The following GLRA1 variants were observed in gnomAD, a reference collection of about 807,000 sequenced individuals.
GLRA1 encodes glycine receptor subunit alpha-1.
A neutral mutation model predicts 48.3 loss-of-function variants in GLRA1; 37 were observed. That is an observed-to-expected ratio of 0.77 (90% CI 0.59 to 1.01). The LOEUF (loss-of-function observed/expected upper bound fraction) is 1.01. Among genes scored for constraint, GLRA1 ranks in the 50% least tolerant of loss-of-function variants. GLRA1 has a pLI of 0.00. For missense variants in GLRA1, 427 were observed against 571.0 expected (o/e 0.75, Z 2.57); for synonymous variants, 196 against 210.7 (o/e 0.93, Z 0.60).
At chr5:151,849,452 T>TTTCCTTCCTTCCTTCC (rs1377147013) in intron 7 of GLRA1, among the ~76,000 whole-genome samples, 16 of 15,662 alleles carry the variant, frequency 1.0e-3, no homozygotes, top group African/African-American at 2.7e-3. Flanking sequence ...TTTCCTTTCC[T>TTTCCTTCCTTCCTTCC]TTCCTTCCTT....
At chr5:151,886,474 T>C (rs1753909597) in intron 3 of GLRA1, among the ~76,000 whole-genome samples, 1 of 152,238 alleles carries the variant, frequency 6.6e-6, no homozygotes, top group Non-Finnish European at 1.5e-5. Context: ...TAATTTTGTT[T>C]TTGTAATCCT....
At chr5:151,900,697 C>T (rs1754345872) in intron 1 of GLRA1, among the ~76,000 whole-genome samples, 1 of 152,160 alleles carries the variant, frequency 6.6e-6, no homozygotes, top group African/African-American at 2.4e-5. Flanking sequence ...TCTCCTTACT[C>T]CAGGTGCATG....
rs1298574659 is a variant in GLRA1, at chr5:151,849,454, T to TC, written c.912+1935dup. 3.6e-4 allele frequency among the ~76,000 whole-genome samples: 13 copies of TC among 35,924 alleles called. 1 individual carries two copies. The highest frequency in any genetic ancestry group is 1.6e-3 in the African/African-American group (10 of 6,324). 23.6% of individuals were successfully genotyped at this position (35,924 alleles called of 152,430 possible). ...TCCTTTCCTTTCCTTTCCTTTCCTT[T>TC]CCTTCCTTCCTTCCTTCCTTCCTTC... On this transcript the variant is annotated intron_variant, in intron 7 of 8. Transcript: ENST00000274576.
At chr5:151,918,075 C>T (rs2113462615) in intron 1 of GLRA1, among the ~76,000 whole-genome samples, 1 of 152,246 alleles carries the variant, frequency 6.6e-6, no homozygotes, top group East Asian at 1.9e-4. Flanking sequence ...GAGACTTGGA[C>T]AATACCAACT....
At chr5:151,860,155 G>C (rs1753157920) in intron 3 of GLRA1, 147 bp from the exon 4 acceptor site, 3 of 697,774 alleles carry the variant, frequency 4.3e-6, no homozygotes, top group East Asian at 2.7e-5. Context: ...AGACATAAAA[G>C]GTGTGTATCA....
At chr5:151,829,517 G>T (rs1171301277) in intron 7 of GLRA1, among the ~76,000 whole-genome samples, 1 of 152,136 alleles carries the variant, frequency 6.6e-6, no homozygotes. Flanking sequence ...ATTACCAAAG[G>T]CTTATATCAG....
Position 151,828,994 on chromosome 5 carries a change from T to G in GLRA1, c.986A>C (p.Tyr329Ser). 1 of 1,614,160 alleles carries G rather than the reference T, an allele frequency of 6.2e-7. No homozygotes were observed. The highest frequency in any genetic ancestry group is 2.2e-5 in the East Asian group (1 of 44,886). The change falls in exon 8 of 9, where the codon TAT becomes TCT. Residue 329 changes from tyrosine to serine, a missense_variant. Tyr to Ser is a moderately radical substitution (Grantham distance 144). This residue lies in a region of GLRA1 where 271 missense variants were observed against 434.9 expected (regional missense o/e 0.62). Transcript: ENST00000274576. ...CCGAGACACAAAGTTAACGGCAGCA[T>G]ATTCTAATAGGGCTGAGAACACAAA... Reference protein sequence around the residue: ...LLFVFSALLEYAAVNFVSRQH... With the variant: ...LLFVFSALLESAAVNFVSRQH...
At chr5:151,912,689 G>A (rs537119507) in intron 1 of GLRA1, among the ~76,000 whole-genome samples, 1 of 152,328 alleles carries the variant, frequency 6.6e-6, no homozygotes, top group African/African-American at 2.4e-5. Flanking sequence ...GAGGATGGGA[G>A]CAGGCATTTG....
chr5:151,863,156 A>C (rs2113365679), intron 3 of GLRA1, among the ~76,000 whole-genome samples: 1 of 152,334 alleles, frequency 6.6e-6, no homozygotes, highest in Non-Finnish European at 1.5e-5. Context: ...TAATCCCAGC[A>C]TGTTGGGAGG....
At chr5:151,865,510 C>T (rs987358227) in intron 3 of GLRA1, among the ~76,000 whole-genome samples, 1 of 152,140 alleles carries the variant, frequency 6.6e-6, no homozygotes, top group African/African-American at 2.4e-5. Flanking sequence ...GTCTTGCAAG[C>T]TGTACTGAGA....
chr5:151,880,952 C>T (rs1262517279), intron 3 of GLRA1, among the ~76,000 whole-genome samples: 1 of 152,216 alleles, frequency 6.6e-6, no homozygotes, highest in Admixed American at 6.5e-5. Flanking sequence ...CTCACAGATA[C>T]ATGTGTATTC....
At chr5:151,850,091 C>A in intron 7 of GLRA1, 1 of 1,603,930 alleles carries the variant, frequency 6.2e-7, no homozygotes, top group Non-Finnish European at 8.5e-7. Flanking sequence ...AATATACCCT[C>A]ATGGGGACAG....
At chr5:151,883,525 G>A (rs1294280532) in intron 3 of GLRA1, among the ~76,000 whole-genome samples, 3 of 152,372 alleles carry the variant, frequency 2.0e-5, no homozygotes, top group South Asian at 2.1e-4. Flanking sequence ...TTCTTCAGCT[G>A]TAAACTGGGG....
At chr5:151,845,552 A>G (rs978225987) in intron 7 of GLRA1, among the ~76,000 whole-genome samples, 2 of 152,216 alleles carry the variant, frequency 1.3e-5, no homozygotes, top group African/African-American at 4.8e-5. Flanking sequence ...CTAAATGGCT[A>G]TAGTTAAAAA....
intron 1 of GLRA1, among the ~76,000 whole-genome samples, chr5:151,917,513 A>G (rs980174712): frequency 1.3e-5 from 2 of 152,212 alleles, no homozygotes; most frequent in African/African-American, 2.4e-5. Context: ...GTTTAGAGAC[A>G]AGTATATACT....
chr5:151,895,757 C>T (rs1328166856), intron 1 of GLRA1, among the ~76,000 whole-genome samples: 1 of 152,072 alleles, frequency 6.6e-6, no homozygotes, highest in Non-Finnish European at 1.5e-5. Flanking sequence ...CTCCCAGGTG[C>T]TTCCCATGGC....
chr5:151,852,826 T>A (rs1195606657), intron 6 of GLRA1, among the ~76,000 whole-genome samples: 3 of 152,194 alleles, frequency 2.0e-5, no homozygotes. Context: ...CCTTTGGATA[T>A]GTATCTAGAA....
chr5:151,850,274 C>T (rs1000255967), intron 7 of GLRA1: 4 of 1,604,608 alleles, frequency 2.5e-6, no homozygotes, highest in Non-Finnish European at 2.6e-6. Flanking sequence ...TCATGCCTGC[C>T]CAGTGGGAAT....
intron 1 of GLRA1, among the ~76,000 whole-genome samples, chr5:151,908,350 C>G (rs1284310704): frequency 6.6e-6 from 1 of 152,190 alleles, no homozygotes; most frequent in East Asian, 1.9e-4. Context: ...CCTCTTGTTT[C>G]TTCCTCCTGT....
Sources: allele counts gnomAD v4.1 joint callset (sites outside exome capture counted in the v4.1 genomes callset), GRCh38; gene constraint gnomAD v4.1.1; regional missense constraint gnomAD v4.1.1; transcripts MANE v1.5; gene names NCBI Gene and HGNC (gene_info 2026-07-23, HGNC 2026-07-21).